Variants in COL9A1 observed in about 807,000 individuals in gnomAD.
The protein encoded by COL9A1 is collagen type IX alpha 1 chain.
A neutral mutation model predicts 142.6 loss-of-function variants in COL9A1; 104 were observed. That is an observed-to-expected ratio of 0.73 (90% confidence interval 0.62 to 0.86). The LOEUF (loss-of-function observed/expected upper bound fraction) is 0.86, where lower values mean the gene tolerates loss of function less well. Ranked by LOEUF, COL9A1 falls within the 40% of genes least tolerant of loss-of-function variation. The probability of loss-of-function intolerance (pLI) is 0.00; values close to 1 mark genes in which losing one functional copy is unlikely to be tolerated. For missense variants in COL9A1, 1,210 were observed against 1,176.6 expected (o/e 1.03, Z -0.42); for synonymous variants, 466 against 396.0 (o/e 1.18, Z -2.10).
chr6:70,271,112 T>A (rs973471175), intron 14 of COL9A1, among the ~76,000 whole-genome samples: 1 of 152,230 alleles, frequency 6.6e-6, no homozygotes, highest in East Asian at 1.9e-4. Context: ...ATATGATACA[T>A]GGCTCCTTCC....
intron 33 of COL9A1, among the ~76,000 whole-genome samples, chr6:70,238,989 A>G (rs1227786688): frequency 6.6e-6 from 1 of 152,122 alleles, no homozygotes; most frequent in Admixed American, 6.5e-5. Flanking sequence ...AAATACAAAA[A>G]TTAGCCGGGC....
intron 5 of COL9A1, among the ~76,000 whole-genome samples, chr6:70,288,579 T>A (rs1313587572): frequency 2.0e-5 from 3 of 152,208 alleles, no homozygotes; most frequent in African/African-American, 7.2e-5. Context: ...CTCCATCATG[T>A]TACCTCTCCA....
rs199538562 is a variant in COL9A1, at chr6:70,242,679, C to A, written c.1909G>T (p.Gly637Cys). ...CTACTTACCAGTTTACCTGGTAGGC[C>A]TGGGGATCCCACTGGTCCTAATTCT... Reference protein sequence around the residue: ...RGELGPVGSPGLPGKLGSLGS... With the variant: ...RGELGPVGSPCLPGKLGSLGS... Residue 637 changes from glycine (G) to cysteine (C), a missense_variant, in exon 29 of 38, where the codon GGC (glycine) becomes TGC (cysteine). Physicochemically the swap from Gly to Cys is radical, Grantham distance 159. Coordinates refer to ENST00000357250, the MANE Select transcript of COL9A1 (RefSeq NM_001851.6). The A allele has an allele frequency of 6.2e-7, 1 of 1,614,120 alleles. No homozygotes were observed. The highest frequency in any genetic ancestry group is 8.5e-7 in the Non-Finnish European group (1 of 1,179,984).
intron 19 of COL9A1, chr6:70,261,128 C>A (rs1771656474): frequency 1.1e-5 from 2 of 176,588 alleles, no homozygotes; most frequent in African/African-American, 2.4e-5. Context: ...CAATGGACAC[C>A]ATCAAAAGCA....
At chr6:70,274,949 A>G in intron 10 of COL9A1, 177 bp from the exon 11 acceptor site, 1 of 606,250 alleles carries the variant, frequency 1.6e-6, no homozygotes, top group South Asian at 2.0e-5. Context: ...TTAACAGAAG[A>G]TCTGCCTGTT....
intron 28 of COL9A1, 68 bp from the exon 29 acceptor site, chr6:70,242,783 T>C: frequency 6.9e-7 from 1 of 1,451,032 alleles, no homozygotes. Flanking sequence ...ACTATGTAAA[T>C]AAAATAACAT....
At chr6:70,268,602 G>T (rs1408287591) in intron 17 of COL9A1, among the ~76,000 whole-genome samples, 1 of 152,150 alleles carries the variant, frequency 6.6e-6, no homozygotes, top group East Asian at 1.9e-4. Context: ...GAACTAGAAA[G>T]CCATCCTATG....
At chr6:70,280,157 G>C in intron 10 of COL9A1, 1 of 572,802 alleles carries the variant, frequency 1.7e-6, no homozygotes, top group South Asian at 3.9e-5. Context: ...TGGGTAAACT[G>C]GAGAAAGCCT....
At chr6:70,280,757 C>T in intron 10 of COL9A1, 55 bp downstream of exon 10, 2 of 1,540,024 alleles carry the variant, frequency 1.3e-6, no homozygotes, top group Non-Finnish European at 1.8e-6. Context: ...CACACACTTA[C>T]TCGTACCCAC....
intron 10 of COL9A1, among the ~76,000 whole-genome samples, chr6:70,277,343 C>CAAA (rs200889718): frequency 7.3e-6 from 1 of 136,080 alleles, no homozygotes; most frequent in Non-Finnish European, 1.6e-5. Flanking sequence ...GTCCATAAGC[C>CAAA]AAAAAAAAAA....
intron 16 of COL9A1, 112 bp downstream of exon 16, chr6:70,269,520 AG>A: frequency 1.3e-6 from 1 of 781,766 alleles, no homozygotes; most frequent in Non-Finnish European, 2.2e-6. Flanking sequence ...TTTGAGTGAA[AG>A]GAAAACACAG....
chr6:70,252,677 T>G (rs1466545278), intron 26 of COL9A1, among the ~76,000 whole-genome samples: 2 of 152,150 alleles, frequency 1.3e-5, no homozygotes, highest in African/African-American at 4.8e-5. Flanking sequence ...TCTTTCTACC[T>G]CACATTAAAC....
chr6:70,283,314 C>T, intron 6 of COL9A1: 1 of 1,248,536 alleles, frequency 8.0e-7, no homozygotes, highest in South Asian at 1.6e-5. Context: ...TAACCCCTTC[C>T]CTGCCGCCGC....
intron 35 of COL9A1, among the ~76,000 whole-genome samples, chr6:70,233,306 T>C (rs897226562): frequency 4.6e-5 from 7 of 152,344 alleles, no homozygotes; most frequent in Admixed American, 3.9e-4. Context: ...TCACAGCTTC[T>C]TATAAACCCT....
chr6:70,249,037 G>A (rs747811378), intron 28 of COL9A1, among the ~76,000 whole-genome samples: 11 of 152,002 alleles, frequency 7.2e-5, no homozygotes, highest in Non-Finnish European at 1.0e-4. Context: ...AAAGAGGTAC[G>A]GAGAGTATTT....
Position 70,294,302 on chromosome 6 carries a change from C to T in COL9A1, c.561G>A (p.Val187=). 1 of 1,614,042 alleles carries T rather than the reference C, an allele frequency of 6.2e-7. No homozygotes were observed. The highest frequency in any genetic ancestry group is 8.5e-7 in the Non-Finnish European group (1 of 1,179,950). Residue 187 remains valine (V), a synonymous_variant, in exon 5 of 38, where the codon GTG becomes GTA. Coordinates refer to ENST00000357250, the MANE Select transcript of COL9A1 (RefSeq NM_001851.6). The stretch of plus-strand genomic sequence containing the variant: ...CAAAAAGAGTAGCACTACTCCTCTC[C>T]ACGCCAATCATGATCTTATGCCACT... ...DSQWHKIMIG[V]ERSSATLFVD...
At position 70,234,912 on chromosome 6, in the gene COL9A1, C is replaced by T. The variant is rs776235308; in HGVS notation, c.2141G>A (p.Arg714Lys). The T allele has an allele frequency of 6.2e-7, 1 of 1,614,188 alleles. No individual in the cohort carries two copies. Among genetic ancestry groups the T allele is most frequent in the Non-Finnish European group, 8.5e-7 (1 of 1,180,028 alleles). The change falls in exon 34 of 38, where the codon AGA (arginine) becomes AAA (lysine). Residue 714 changes from arginine (R) to lysine (K), a missense_variant. Transcript: ENST00000357250. ...AAGCCCCCGACTTCCCTCAGGCCCT[C>T]TCAAGCCAGGTTCCCCAGGATTACC... ...SAGNPGEPGL[R>K]GPEGSRGLPG...
chr6:70,288,978 A>G (rs1773557175), intron 5 of COL9A1, among the ~76,000 whole-genome samples: 1 of 152,188 alleles, frequency 6.6e-6, no homozygotes, highest in Non-Finnish European at 1.5e-5. Flanking sequence ...GATGTTTAAT[A>G]GTTACTGAAT....
intron 28 of COL9A1, among the ~76,000 whole-genome samples, chr6:70,247,832 C>T (rs1222717795): frequency 6.6e-6 from 1 of 152,192 alleles, no homozygotes; most frequent in Non-Finnish European, 1.5e-5. Flanking sequence ...CTAACCATCA[C>T]ACACATCAGC....
Sources: gnomAD v4.1 joint callset for allele counts (sites outside exome capture counted in the v4.1 genomes callset) on GRCh38, gnomAD v4.1.1 for gene constraint, MANE v1.5 for transcripts, NCBI Gene and HGNC (gene_info 2026-07-23, HGNC 2026-07-21) for gene names.